OPRK1: variants seen among roughly 807,000 people sequenced by gnomAD.
OPRK1 encodes the protein opioid receptor kappa 1.
Under a neutral mutation model 24.5 loss-of-function variants are expected in OPRK1, and 15 were observed. The ratio of observed to expected loss-of-function variants is 0.61; its 90% CI spans 0.41 to 0.94. The LOEUF (loss-of-function observed/expected upper bound fraction) is 0.94. Ranked by LOEUF, OPRK1 falls within the 40% of genes least tolerant of loss-of-function variation. OPRK1 has a pLI of 0.00. For synonymous variants in OPRK1, 205 were observed against 198.0 expected (o/e 1.04, Z -0.30); for missense variants, 479 against 507.3 (o/e 0.94, Z 0.54).
At chr8:53,236,469 T>C (rs560236231) in intron 2 of OPRK1, among the ~76,000 whole-genome samples, 1 of 152,194 alleles carries the variant, frequency 6.6e-6, no homozygotes, top group Non-Finnish European at 1.5e-5. Context: ...TGGTATCTGT[T>C]AGTTTCCATT....
chr8:53,248,485 G>A (rs989463445), intron 2 of OPRK1, among the ~76,000 whole-genome samples: 2 of 152,010 alleles, frequency 1.3e-5, no homozygotes, highest in African/African-American at 4.8e-5. Flanking sequence ...AGGGCTATGG[G>A]GCCTCCACAC....
chr8:53,248,888 T>A (rs1342685984), intron 2 of OPRK1, among the ~76,000 whole-genome samples: 1 of 152,230 alleles, frequency 6.6e-6, no homozygotes, highest in East Asian at 1.9e-4. Context: ...GAGAATGATG[T>A]ATGTGAACTA....
intron 1 of OPRK1, 159 bp downstream of exon 1, chr8:53,251,289 C>T (rs1807393540): frequency 1.8e-6 from 1 of 555,516 alleles, no homozygotes; most frequent in South Asian, 2.6e-5. Context: ...GCGCTCGCTC[C>T]TTCTCCCCCA....
At position 53,226,851 on chromosome 8, in the gene OPRK1, A is replaced by C. The variant is rs201228162; in HGVS notation, c.*2446T>G. Reference sequence around the variant, plus strand: ...AGAAGCTTGGACACCCCTTGTGGGCACATACAGCTACTATTCTCTCCTTGG... The same window carrying C: ...AGAAGCTTGGACACCCCTTGTGGGCCCATACAGCTACTATTCTCTCCTTGG... On this transcript the variant is annotated 3_prime_UTR_variant, in exon 4 of 4. Transcript: ENST00000265572. The C allele has an allele frequency of 6.6e-6, 1 of 152,222 alleles. No homozygotes were observed. Among genetic ancestry groups the C allele is most frequent in the Non-Finnish European group, 1.5e-5 (1 of 68,046 alleles). 9.4% of individuals were successfully genotyped at this position (152,222 alleles called of 1,614,324 possible).
At chr8:53,247,179 GA>G (rs956869912) in intron 2 of OPRK1, among the ~76,000 whole-genome samples, 17 of 152,150 alleles carry the variant, frequency 1.1e-4, no homozygotes, top group Non-Finnish European at 1.5e-5. Flanking sequence ...CTAGGATGGG[GA>G]AGAGAAAAAG....
At position 53,226,788 on chromosome 8, in the gene OPRK1, C is replaced by T. The variant is rs201165436; in HGVS notation, c.*2509G>A. ...TAAAATGATATTCCCTTCTTCACTC[C>T]TTTTTCAATGTTGGGGAGTCGATAT... On this transcript the variant is annotated 3_prime_UTR_variant, in exon 4 of 4. Coordinates refer to ENST00000265572, the MANE Select transcript of OPRK1 (RefSeq NM_000912.5). 6.6e-6 allele frequency: 1 copy of T among 152,170 alleles called. No homozygotes were observed. The highest frequency in any genetic ancestry group is 1.5e-5 in the Non-Finnish European group (1 of 68,034). The allele number at this position is 152,170 out of a possible 1,614,324, so 9.4% of individuals were successfully genotyped here.
chr8:53,240,361 G>A (rs554249792), intron 2 of OPRK1, among the ~76,000 whole-genome samples: 1 of 152,158 alleles, frequency 6.6e-6, no homozygotes, highest in Non-Finnish European at 1.5e-5. Flanking sequence ...AAACCTAAAG[G>A]TCCATAGAAT....
rs1806689747 is a variant in OPRK1 at position 53,226,490 on chromosome 8, A to T, written c.*2807T>A. 6.6e-6 allele frequency: 1 copy of T among 152,236 alleles called. No individual in the cohort carries two copies. The highest frequency in any genetic ancestry group is 1.5e-5 in the Non-Finnish European group (1 of 68,050). The allele number at this position is 152,236 out of a possible 1,614,324, so 9.4% of individuals were successfully genotyped here. ...ATGGATCTGAAGGTTAAACACATGG[A>T]GTTCTAGTCTCAAAGAGACACAACA... On this transcript the variant is annotated 3_prime_UTR_variant, in exon 4 of 4. Coordinates refer to ENST00000265572, the MANE Select transcript of OPRK1 (RefSeq NM_000912.5).
At chr8:53,231,733 A>G (rs1055281036) in intron 3 of OPRK1, among the ~76,000 whole-genome samples, 2 of 152,234 alleles carry the variant, frequency 1.3e-5, no homozygotes, top group Non-Finnish European at 2.9e-5. Context: ...TAAATTGTTA[A>G]ATAAATGAAC....
chr8:53,233,782 C>G (rs1241109457), intron 3 of OPRK1, among the ~76,000 whole-genome samples: 1 of 152,122 alleles, frequency 6.6e-6, no homozygotes, highest in Non-Finnish European at 1.5e-5. Flanking sequence ...CAGGCTGTAC[C>G]CCAGGTCAAT....
At position 53,229,310 on chromosome 8, in the gene OPRK1, T is replaced by C; in HGVS notation, c.1130A>G (p.Asn377Ser). Residue 377 changes from asparagine (N) to serine (S), a missense_variant, in exon 4 of 4, where the codon AAT (asparagine) becomes AGT (serine). By Grantham distance (46) the Asn-to-Ser change is conservative. Coordinates refer to ENST00000265572, the MANE Select transcript of OPRK1 (RefSeq NM_000912.5). The stretch of plus-strand genomic sequence containing the variant: ...CTCCACGACTAGTCATACTGGTTTA[T>C]TCATCCCATCGATGTCCCTCAGGTA... ...PAYLRDIDGMNKPV is the reference protein window; with the variant it reads ...PAYLRDIDGMSKPV 6.2e-7 allele frequency: 1 copy of C among 1,613,700 alleles called. No individual in the cohort carries two copies. Among genetic ancestry groups the C allele is most frequent in the Non-Finnish European group, 8.5e-7 (1 of 1,179,696 alleles).
intron 3 of OPRK1, among the ~76,000 whole-genome samples, chr8:53,231,834 T>C (rs1806861082): frequency 6.6e-6 from 1 of 152,246 alleles, no homozygotes; most frequent in Non-Finnish European, 1.5e-5. Context: ...TAAGCTAAGC[T>C]AAGCAGAAGC....
At chr8:53,238,105 A>T (rs1249549879) in intron 2 of OPRK1, among the ~76,000 whole-genome samples, 2 of 152,340 alleles carry the variant, frequency 1.3e-5, no homozygotes, top group African/African-American at 4.8e-5. Context: ...CAAGGCTGTG[A>T]CGCTCAGAGG....
chr8:53,250,758 C>G, intron 2 of OPRK1, 23 bp downstream of exon 2: 1 of 1,587,238 alleles, frequency 6.3e-7, no homozygotes. Flanking sequence ...CAGCCCCCAG[C>G]GCTGCGCTGT....
rs759218970 is a variant in OPRK1 at position 53,250,768 on chromosome 8, T to TC, written c.257+12dup. The TC allele has an allele frequency of 1.3e-5, 20 of 1,598,366 alleles. No individual in the cohort carries two copies. The East Asian group carries it at 4.6e-4, about 36-fold the overall frequency. On this transcript the variant is annotated intron_variant, in intron 2 of 3. Coordinates refer to ENST00000265572, the MANE Select transcript of OPRK1 (RefSeq NM_000912.5). ...CCGCCCAGCCCCCAGCGCTGCGCTG[T>TC]CCCCGCGCTCACCGGATGATCACGA...
At chr8:53,247,745 G>C (rs10111341) in intron 2 of OPRK1, among the ~76,000 whole-genome samples, 152,108 of 152,108 alleles carry the variant, frequency 1, 76,054 homozygotes, top group Non-Finnish European at 1. Context: ...CCTGTAATCC[G>C]AGCACTTTGG....
intron 2 of OPRK1, among the ~76,000 whole-genome samples, chr8:53,249,712 T>C (rs1201247402): frequency 6.6e-6 from 1 of 152,216 alleles, no homozygotes; most frequent in Non-Finnish European, 1.5e-5. Context: ...ATTCATGATA[T>C]GGTTGTTAAA....
At chr8:53,233,819 G>A (rs1806913187) in intron 3 of OPRK1, among the ~76,000 whole-genome samples, 1 of 152,158 alleles carries the variant, frequency 6.6e-6, no homozygotes, top group South Asian at 2.1e-4. Flanking sequence ...GGGGTGGGAT[G>A]CAGGCAGCAG....
At chr8:53,234,014 G>A (rs562293550) in intron 3 of OPRK1, among the ~76,000 whole-genome samples, 15 of 151,962 alleles carry the variant, frequency 9.9e-5, no homozygotes, top group Non-Finnish European at 1.6e-4. Flanking sequence ...TGGCCAACAC[G>A]GTGAAACCCT....
Sources: allele counts gnomAD v4.1 joint callset (sites outside exome capture counted in the v4.1 genomes callset), GRCh38; gene constraint gnomAD v4.1.1; transcripts MANE v1.5; gene names NCBI Gene and HGNC (gene_info 2026-07-23, HGNC 2026-07-21).